TANGO2: variants seen among roughly 807,000 people sequenced by gnomAD.
TANGO2 encodes the protein transport and Golgi organization protein 2 homolog.
A neutral mutation model predicts 39.1 loss-of-function variants in TANGO2; 26 were observed. That is an observed-to-expected ratio of 0.67 (90% CI 0.49 to 0.92). The LOEUF (loss-of-function observed/expected upper bound fraction) is 0.92, where lower values mean the gene tolerates loss of function less well. TANGO2 is among the 40% of genes least tolerant of loss of function. The probability of loss-of-function intolerance (pLI) is 0.00; values close to 1 mark genes in which losing one functional copy is unlikely to be tolerated. For missense variants in TANGO2, 326 were observed against 360.1 expected (o/e 0.91, Z 0.77); for synonymous variants, 131 against 144.5 (o/e 0.91, Z 0.67).
Position 20,061,541 on chromosome 22 carries a change from C to A in TANGO2, c.463C>A (p.Leu155Met). The A allele has an allele frequency of 1.2e-6, 2 of 1,605,758 alleles. No homozygotes were observed. The highest frequency in any genetic ancestry group is 1.1e-5 in the South Asian group (1 of 89,294). Residue 155 changes from leucine to methionine, a missense_variant, in exon 7 of 9, where the codon CTG (leucine) becomes ATG (methionine). By Grantham distance (15) the Leu-to-Met change is conservative. Coordinates refer to ENST00000327374, the MANE Select transcript of TANGO2 (RefSeq NM_152906.7). The part of the protein sequence containing the change: ...PIVLTPGTYG[L>M]SNALLETPWR... The stretch of plus-strand genomic sequence containing the variant: ...ATTGCTCCTCACAGGCACCTACGGG[C>A]TGAGCAACGCGCTGCTGGAGACTCC...
intron 3 of TANGO2, among the ~76,000 whole-genome samples, chr22:20,049,975 G>A (rs1190332733): frequency 8.5e-5 from 13 of 152,260 alleles, no homozygotes; most frequent in South Asian, 4.1e-4. Flanking sequence ...TTGGAAGGCC[G>A]AGGCGGGCCG....
upstream of TANGO2, chr22:20,019,189 G>A (rs2531702): frequency 0.032 from 4,804 of 152,322 alleles, 113 homozygotes; most frequent in South Asian, 0.085. Flanking sequence ...AGCTCCATGC[G>A]GACAGCTGTG....
intron 7 of TANGO2, chr22:20,063,063 G>A (rs915861146): frequency 2.5e-6 from 1 of 392,982 alleles, no homozygotes. Flanking sequence ...ACTTCTGTCA[G>A]GAGAATTGCT....
rs898068244 is a variant in TANGO2, at chr22:20,044,569, G to A, written c.145+1126G>A. Reference sequence around the variant, plus strand: ...TCAATCAAATAAAAGCTCAGCTGTGGGGTTTTGTGAGGACTCCTGTGTAGG... The same window carrying A: ...TCAATCAAATAAAAGCTCAGCTGTGAGGTTTTGTGAGGACTCCTGTGTAGG... On this transcript the variant is annotated intron_variant, in intron 3 of 8. Coordinates refer to ENST00000327374, the MANE Select transcript of TANGO2 (RefSeq NM_152906.7). Among the ~76,000 whole-genome samples the A allele has an allele frequency of 2.0e-5, 3 of 152,152 alleles. No homozygotes were observed. In the South Asian group the frequency reaches 6.2e-4, roughly 32 times the overall value.
At chr22:20,036,892 G>A (rs1216328324) in intron 2 of TANGO2, 38 bp downstream of exon 2, 1 of 1,614,214 alleles carries the variant, frequency 6.2e-7, no homozygotes, top group Admixed American at 1.7e-5. Context: ...GCCCTGCAGG[G>A]TCCTGGGTGC....
intron 7 of TANGO2, among the ~76,000 whole-genome samples, chr22:20,062,126 C>A (rs1353997648): frequency 2.0e-5 from 3 of 152,228 alleles, no homozygotes; most frequent in Non-Finnish European, 4.4e-5. Flanking sequence ...CTGTCCCCAG[C>A]GACCCTGGGC....
intron 6 of TANGO2, chr22:20,056,575 A>G (rs1200517718): frequency 4.4e-6 from 2 of 456,540 alleles, no homozygotes; most frequent in Non-Finnish European, 8.8e-6. Context: ...CTCCTGCTAC[A>G]TGCCCTTCCT....
rs143750715 is a variant in TANGO2, at chr22:20,045,065, T to C, written c.145+1622T>C. ...CTCACTCTCTGGCGTCACCGGATTG[T>C]ATGCAAAAGTTTAGGACAGTGGTTC... On this transcript the variant is annotated intron_variant, in intron 3 of 8. Coordinates refer to ENST00000327374, the MANE Select transcript of TANGO2 (RefSeq NM_152906.7). Among the ~76,000 whole-genome samples the C allele has an allele frequency of 4.0e-3, 614 of 152,262 alleles. 8 individuals are homozygous for C. The highest frequency in any genetic ancestry group is 0.014 in the African/African-American group (587 of 41,564).
At position 20,053,662 on chromosome 22, in the gene TANGO2, A is replaced by G. The variant is rs576083242; in HGVS notation, c.380+111A>G. On this transcript the variant is annotated intron_variant, in intron 5 of 8. Coordinates refer to ENST00000327374, the MANE Select transcript of TANGO2 (RefSeq NM_152906.7). ...GGGGGCTGTGGCAGCCTCTCCAGGG[A>G]CGTTGCTCCTCGTGACTTGGCAAAC... 7.4e-4 allele frequency: 554 copies of G among 744,726 alleles called. 4 individuals carry two copies. Among genetic ancestry groups the G allele is most frequent in the Non-Finnish European group, 1.2e-3 (478 of 413,928 alleles). The allele number at this position is 744,726 out of a possible 1,614,324, so 46.1% of individuals were successfully genotyped here.
intron 1 of TANGO2, among the ~76,000 whole-genome samples, chr22:20,026,334 G>A (rs561778944): frequency 3.5e-4 from 54 of 152,260 alleles, no homozygotes; most frequent in African/African-American, 1.1e-3. Flanking sequence ...GCAGGTGGAG[G>A]TTGTAGTGAG....
Position 20,063,454 on chromosome 22 carries a change from C to T in TANGO2, c.710+12C>T. 6.2e-7 allele frequency: 1 copy of T among 1,608,074 alleles called. No homozygotes were observed. The highest frequency in any genetic ancestry group is 8.5e-7 in the Non-Finnish European group (1 of 1,176,542). ...GGCTACGGCACCAGGTATTGCAGCA[C>T]CGTGGGTGCGCCACCTCCTATCCCA... On this transcript the variant is annotated intron_variant, in intron 8 of 8. Coordinates refer to ENST00000327374, the MANE Select transcript of TANGO2 (RefSeq NM_152906.7).
chr22:20,059,461 T>C (rs1035171541), intron 6 of TANGO2, among the ~76,000 whole-genome samples: 2 of 152,234 alleles, frequency 1.3e-5, no homozygotes, highest in Admixed American at 6.5e-5. Context: ...ACATCCAAAC[T>C]GTTTGCCAAA....
intron 1 of TANGO2, among the ~76,000 whole-genome samples, chr22:20,035,677 T>C (rs1162736913): frequency 6.6e-6 from 1 of 151,780 alleles, no homozygotes; most frequent in East Asian, 1.9e-4. Context: ...GGATGGCGAG[T>C]GTGTGTGCTG....
At position 20,066,935 on chromosome 22, in the gene TANGO2, A is replaced by C. The variant is rs57497163; in HGVS notation, c.*2273A>C. The stretch of plus-strand genomic sequence containing the variant: ...CAGCAGCCTGAGGCCCCTAAGGAAG[A>C]ACAGCCCTCAATGGTGATTCTATTG... On this transcript the variant is annotated 3_prime_UTR_variant, in exon 9 of 9. Transcript: ENST00000327374. 15,460 of 152,336 alleles carry C rather than the reference A, an allele frequency of 0.1. 1,497 individuals are homozygous for C. The highest frequency in any genetic ancestry group is 0.25 in the African/African-American group (10,456 of 41,478). 9.4% of individuals were successfully genotyped at this position (152,336 alleles called of 1,614,324 possible). A position where few individuals can be genotyped will look rare whatever the true frequency, so the allele number is the denominator to read the frequency against.
chr22:20,035,006 G>C (rs936646940), intron 1 of TANGO2, among the ~76,000 whole-genome samples: 5 of 152,196 alleles, frequency 3.3e-5, no homozygotes, highest in Admixed American at 6.5e-5. Flanking sequence ...TCGGATGATG[G>C]CCCCCTGTGG....
In TANGO2 at chr22:20,066,748, G is replaced by A. The variant is rs952846519; in HGVS notation, c.*2086G>A. Among the ~76,000 whole-genome samples, 19 of 152,150 alleles carry A rather than the reference G, an allele frequency of 1.2e-4. No individual in the cohort carries two copies. The highest frequency in any genetic ancestry group is 3.9e-4 in the African/African-American group (16 of 41,420). ...ATTCACCTGCCCCAGTGGCTACCAT[G>A]TCCTGTGCCGGTGACCAGTGCCAGT... is the stretch of plus-strand genomic sequence containing the variant. On this transcript the variant is annotated 3_prime_UTR_variant, in exon 9 of 9. Coordinates refer to ENST00000327374, the MANE Select transcript of TANGO2 (RefSeq NM_152906.7).
At chr22:20,019,733 C>G (rs541792689), upstream of TANGO2, among the ~76,000 whole-genome samples, 9 of 152,326 alleles carry the variant, frequency 5.9e-5, no homozygotes, top group East Asian at 1.7e-3. Context: ...GCCCCAGATC[C>G]CACTTGTCCA....
intron 2 of TANGO2, among the ~76,000 whole-genome samples, chr22:20,037,277 C>G (rs2043032951): frequency 6.6e-6 from 1 of 152,058 alleles, no homozygotes; most frequent in Non-Finnish European, 1.5e-5. Flanking sequence ...GGGTCCTGAG[C>G]TGAGGAAAAA....
In TANGO2 at chr22:20,064,572, C is replaced by T. The variant is rs752528133; in HGVS notation, c.741C>T (p.Asp247=). The T allele has an allele frequency of 1.7e-5, 28 of 1,614,030 alleles. No individual in the cohort carries two copies. Among genetic ancestry groups the T allele is most frequent in the East Asian group, 4.5e-5 (2 of 44,896 alleles). The change falls in exon 9 of 9, where the codon GAC becomes GAT. Residue 247 remains aspartate (D), a synonymous_variant. Transcript: ENST00000327374. ...RTNTIILVDA[D]GHVTFTERSM... ...ACACTATCATCCTGGTAGATGCGGA[C>T]GGCCACGTGACCTTCACTGAGCGTA... is the stretch of plus-strand genomic sequence containing the variant.
Sources: allele counts gnomAD v4.1 joint callset (sites outside exome capture counted in the v4.1 genomes callset), GRCh38; gene constraint gnomAD v4.1.1; transcripts MANE v1.5; gene names NCBI Gene and HGNC (gene_info 2026-07-23, HGNC 2026-07-21).